The following CHRM3 variants were observed in gnomAD, a reference collection of about 807,000 sequenced individuals.
The protein encoded by CHRM3 is cholinergic receptor muscarinic 3.
In CHRM3, 11 loss-of-function variants were observed where a neutral mutation model predicts 41.8. The ratio of observed to expected loss-of-function variants is 0.26; its 90% CI spans 0.17 to 0.44. The LOEUF is 0.44. Among genes scored for constraint, CHRM3 ranks in the 20% least tolerant of loss-of-function variants. The pLI, the probability that CHRM3 is intolerant of heterozygous loss-of-function variation, is 1.00. For synonymous variants in CHRM3, 297 were observed against 301.4 expected (o/e 0.99, Z 0.15); for missense variants, 571 against 745.4 (o/e 0.77, Z 2.72).
intron 6 of CHRM3, among the ~76,000 whole-genome samples, chr1:239,897,480 T>C (rs1442314177): frequency 6.6e-6 from 1 of 152,242 alleles, no homozygotes; most frequent in Non-Finnish European, 1.5e-5. Flanking sequence ...TCCACAGTTA[T>C]ATTAGATCAG....
chr1:239,565,730 A>G (rs1661295423), intron 3 of CHRM3, among the ~76,000 whole-genome samples: 1 of 151,994 alleles, frequency 6.6e-6, no homozygotes, highest in Non-Finnish European at 1.5e-5. Flanking sequence ...TCTGGTTATA[A>G]TTTTCTTCAC....
At chr1:239,829,404 A>AT (rs71168854) in intron 6 of CHRM3, among the ~76,000 whole-genome samples, 104,058 of 149,188 alleles carry the variant, frequency 0.7, 40,331 homozygotes, top group East Asian at 0.93. Context: ...GGACTGAATG[A>AT]TTTTTTTTTT....
intron 1 of CHRM3, among the ~76,000 whole-genome samples, chr1:239,488,894 T>A (rs895289275): frequency 6.6e-5 from 10 of 152,136 alleles, no homozygotes; most frequent in African/African-American, 2.4e-4. Flanking sequence ...TAAAATTGCA[T>A]AAGAATTGTT....
At chr1:239,414,185 T>C (rs779541600) in intron 1 of CHRM3, among the ~76,000 whole-genome samples, 5 of 152,238 alleles carry the variant, frequency 3.3e-5, no homozygotes, top group Non-Finnish European at 5.9e-5. Flanking sequence ...GTAAGTGTTC[T>C]GCTTTTTTGT....
chr1:239,834,607 A>T (rs1473337028), intron 6 of CHRM3, among the ~76,000 whole-genome samples: 1 of 152,172 alleles, frequency 6.6e-6, no homozygotes, highest in Non-Finnish European at 1.5e-5. Context: ...CTTCTACTTT[A>T]GGTGAATCCC....
At chr1:239,836,737 G>A (rs1361823419) in intron 6 of CHRM3, among the ~76,000 whole-genome samples, 1 of 152,120 alleles carries the variant, frequency 6.6e-6, no homozygotes, top group African/African-American at 2.4e-5. Context: ...CGGCACTTTG[G>A]GAGGCCGAGG....
At position 239,387,615 on chromosome 1, in the gene CHRM3, A is replaced by C. The variant is rs907582868; in HGVS notation, c.-521+388A>C. ...GCCACTGCCGGATCTGAGGCTCCAA[A>C]GTGCCCGAGCATGAGGAGCTACTGG... On this transcript the variant is annotated intron_variant, in intron 1 of 6. Coordinates refer to ENST00000676153, the MANE Select transcript of CHRM3 (RefSeq NM_001375978.1). The surrounding 1 kb of genome is among the most constrained non-coding windows in gnomAD (Gnocchi z 5.1). Among the ~76,000 whole-genome samples, 17 of 152,204 alleles carry C rather than the reference A, an allele frequency of 1.1e-4. No homozygotes were observed. Among genetic ancestry groups the C allele is most frequent in the South Asian group, 4.2e-4 (2 of 4,810 alleles).
At chr1:239,457,278 A>G (rs578211290) in intron 1 of CHRM3, among the ~76,000 whole-genome samples, 32 of 152,334 alleles carry the variant, frequency 2.1e-4, no homozygotes, top group Admixed American at 4.6e-4. Flanking sequence ...TAATGAAAGA[A>G]CACATATAAA....
At chr1:239,809,210 A>T (rs1099050) in intron 5 of CHRM3, among the ~76,000 whole-genome samples, 1 of 151,362 alleles carries the variant, frequency 6.6e-6, no homozygotes, top group Non-Finnish European at 1.5e-5. Flanking sequence ...TTAGTAGAGA[A>T]GGGGTTTCAC....
intron 1 of CHRM3, among the ~76,000 whole-genome samples, chr1:239,414,383 A>C (rs2103063365): frequency 6.6e-6 from 1 of 152,364 alleles, no homozygotes; most frequent in East Asian, 1.9e-4. Context: ...AAACCTAAGT[A>C]ATTTTGAATA....
Position 239,908,540 on chromosome 1 carries a change from C to T in CHRM3, c.1089C>T (p.Ala363=). The part of the protein sequence containing the change: ...DEEDIGSETR[A]IYSIVLKLPG... Reference sequence around the variant, plus strand: ...AGGACATTGGCTCCGAGACGAGAGCCATCTACTCCATCGTGCTCAAGCTTC... The same window carrying T: ...AGGACATTGGCTCCGAGACGAGAGCTATCTACTCCATCGTGCTCAAGCTTC... Residue 363 remains alanine (A), a synonymous_variant, in exon 7 of 7, where the codon GCC becomes GCT. Coordinates refer to ENST00000676153, the MANE Select transcript of CHRM3 (RefSeq NM_001375978.1). The surrounding 1 kb of genome is among the most constrained non-coding windows in gnomAD (Gnocchi z 7.2). The T allele has an allele frequency of 6.3e-7, 1 of 1,586,906 alleles. No homozygotes were observed.
intron 2 of CHRM3, among the ~76,000 whole-genome samples, chr1:239,517,031 A>AT (rs1272848776): frequency 1.3e-5 from 2 of 152,048 alleles, no homozygotes; most frequent in Middle Eastern, 3.2e-3. Flanking sequence ...GAGTTGTATA[A>AT]TTTTTTCCTT....
intron 4 of CHRM3, among the ~76,000 whole-genome samples, chr1:239,633,023 AG>A (rs1215291422): frequency 6.6e-6 from 1 of 152,222 alleles, no homozygotes; most frequent in Non-Finnish European, 1.5e-5. Flanking sequence ...CCCAGGCTGG[AG>A]TGCAGTGGCG....
Position 239,898,292 on chromosome 1 carries a change from T to C in CHRM3, c.-19-9141T>C, listed in dbSNP as rs576799998. 12 of 152,372 alleles carry C rather than the reference T, an allele frequency of 7.9e-5. No homozygotes were observed. In the South Asian group the frequency reaches 1.7e-3, roughly 21 times the overall value. The allele number at this position is 152,372 out of a possible 1,614,324, so 9.4% of individuals were successfully genotyped here. ...AACGGGTAGCTGCTTCAGCGCCTGC[T>C]GGCAGAGAGGTCGTTCTCCGAGTCT... On this transcript the variant is annotated intron_variant, in intron 6 of 6. Transcript: ENST00000676153.
At chr1:239,574,236 C>T (rs1452565124) in intron 3 of CHRM3, among the ~76,000 whole-genome samples, 2 of 152,306 alleles carry the variant, frequency 1.3e-5, no homozygotes, top group African/African-American at 4.8e-5. Flanking sequence ...CAGATCCCTG[C>T]ATTGTTCCCC....
At chr1:239,570,486 G>A (rs1404584360) in intron 3 of CHRM3, among the ~76,000 whole-genome samples, 1 of 152,176 alleles carries the variant, frequency 6.6e-6, no homozygotes, top group Non-Finnish European at 1.5e-5. Context: ...GTAGAGCTGT[G>A]ATAGATATGG....
intron 5 of CHRM3, among the ~76,000 whole-genome samples, chr1:239,743,551 C>T (rs142621883): frequency 2.0e-5 from 3 of 152,166 alleles, no homozygotes; most frequent in Non-Finnish European, 4.4e-5. Flanking sequence ...ATACATCCCA[C>T]CCAACCTTCC....
intron 5 of CHRM3, among the ~76,000 whole-genome samples, chr1:239,760,125 C>T (rs572149567): frequency 1.5e-3 from 230 of 151,302 alleles, no homozygotes; most frequent in Non-Finnish European, 2.8e-3. Context: ...CGGGGTTTCA[C>T]CGTGTTAGCC....
intron 6 of CHRM3, among the ~76,000 whole-genome samples, chr1:239,903,471 C>G (rs1679736346): frequency 6.6e-6 from 1 of 152,152 alleles, no homozygotes; most frequent in South Asian, 2.1e-4. Context: ...TCACCATAAT[C>G]TAAAGCTAGC....
Sources: allele counts gnomAD v4.1 joint callset (sites outside exome capture counted in the v4.1 genomes callset), GRCh38; gene constraint gnomAD v4.1.1; non-coding constraint Gnocchi (gnomAD v3.1); transcripts MANE v1.5; gene names NCBI Gene and HGNC (gene_info 2026-07-23, HGNC 2026-07-21).